NDRG3: variants seen among roughly 807,000 people sequenced by gnomAD.
NDRG3 encodes protein NDRG3.
NDRG3 carries 23 observed loss-of-function variants against 57.2 expected under a neutral mutation model. The observed-to-expected ratio is 0.40, with a 90% CI of 0.29 to 0.57. The LOEUF is 0.57. Among genes scored for constraint, NDRG3 ranks in the 20% least tolerant of loss-of-function variants. NDRG3 has a pLI of 0.42. For synonymous variants in NDRG3, 132 were observed against 162.6 expected (o/e 0.81, Z 1.43); for missense variants, 384 against 457.3 (o/e 0.84, Z 1.46).
chr20:36,660,457 G>T, intron 12 of NDRG3, 73 bp from the exon 13 acceptor site: 1 of 1,125,012 alleles, frequency 8.9e-7, no homozygotes, highest in Non-Finnish European at 1.3e-6. Context: ...CTCGGTATGA[G>T]AATCATCTTG....
chr20:36,677,959 T>C (rs1980903181), intron 8 of NDRG3, among the ~76,000 whole-genome samples: 1 of 152,182 alleles, frequency 6.6e-6, no homozygotes, highest in Non-Finnish European at 1.5e-5. Context: ...TAAAAAAATG[T>C]CCTCTCCCAA....
chr20:36,706,267 G>A (rs1017553493), intron 3 of NDRG3, among the ~76,000 whole-genome samples: 15 of 152,124 alleles, frequency 9.9e-5, no homozygotes, highest in African/African-American at 2.9e-4. Context: ...TTTAGGGAAA[G>A]ATTTCTTTTA....
intron 5 of NDRG3, among the ~76,000 whole-genome samples, chr20:36,685,940 G>A (rs1356231702): frequency 6.6e-6 from 1 of 152,188 alleles, no homozygotes; most frequent in African/African-American, 2.4e-5. Flanking sequence ...AGCCCAGGAG[G>A]TTGAGGCTGC....
intron 1 of NDRG3, among the ~76,000 whole-genome samples, chr20:36,722,696 A>C (rs774885786): frequency 9.2e-5 from 14 of 152,338 alleles, no homozygotes; most frequent in Non-Finnish European, 4.4e-5. Context: ...GAATCACAGC[A>C]GTGGGTGAAA....
intron 1 of NDRG3, among the ~76,000 whole-genome samples, chr20:36,730,429 T>G (rs1458461882): frequency 6.6e-6 from 1 of 151,632 alleles, no homozygotes; most frequent in Admixed American, 6.6e-5. Flanking sequence ...CTAATTTTTG[T>G]TTTTTGGTAG....
intron 13 of NDRG3, among the ~76,000 whole-genome samples, chr20:36,658,906 A>G (rs1251474213): frequency 6.6e-6 from 1 of 152,054 alleles, no homozygotes; most frequent in Non-Finnish European, 1.5e-5. Flanking sequence ...TTGCATATAC[A>G]GAATTTACAT....
intron 2 of NDRG3, among the ~76,000 whole-genome samples, chr20:36,715,697 GTCCCAACTACTTGGGAGGCTAAGGTAGCC>G (rs1984233926): frequency 6.7e-6 from 1 of 148,710 alleles, no homozygotes; most frequent in Admixed American, 6.7e-5. Flanking sequence ...CACACCTGTG[GTCCCAACTACTTGGGAGGCTAAGGTAGCC>G]TCCCAAGTAG....
intron 5 of NDRG3, among the ~76,000 whole-genome samples, chr20:36,686,702 C>T (rs1600898191): frequency 6.6e-6 from 1 of 152,312 alleles, no homozygotes; most frequent in Admixed American, 6.5e-5. Context: ...AATCACCCCA[C>T]ACCTCTATCT....
chr20:36,660,497 T>C lies in NDRG3; in HGVS notation c.811-113A>G, dbSNP rs1212755390. On this transcript the variant is annotated intron_variant, in intron 12 of 15. Transcript: ENST00000349004. ...ATCAACAGCTCAGTCTGGAGAAGGCTGAGCCAGCCAAAGAGATTACCAAAA... is the reference window on the plus strand; with the variant it reads ...ATCAACAGCTCAGTCTGGAGAAGGCCGAGCCAGCCAAAGAGATTACCAAAA... 1.2e-5 allele frequency: 7 copies of C among 589,538 alleles called. No individual in the cohort carries two copies. The East Asian group carries it at 2.3e-4, about 19-fold the overall frequency. The allele number at this position is 589,538 out of a possible 1,614,324, so 36.5% of individuals were successfully genotyped here.
In NDRG3 at chr20:36,721,782, C is replaced by A. The variant is rs1321957615; in HGVS notation, c.-47G>T. On this transcript the variant is annotated splice_region_variant and 5_prime_UTR_variant, in exon 2 of 16. Coordinates refer to ENST00000349004, the MANE Select transcript of NDRG3 (RefSeq NM_032013.4). ...AGGAATCTCAAGAATAAATCAGTAA[C>A]TCTGAAACAGAAAAGAAAGAAGTGA... 2 of 1,341,122 alleles carry A rather than the reference C, an allele frequency of 1.5e-6. No homozygotes were observed. 83.1% of individuals were successfully genotyped at this position (1,341,122 alleles called of 1,614,324 possible).
chr20:36,697,538 C>T (rs1475217190), intron 3 of NDRG3, among the ~76,000 whole-genome samples: 1 of 152,134 alleles, frequency 6.6e-6, no homozygotes, highest in Non-Finnish European at 1.5e-5. Flanking sequence ...GAAACCCCAT[C>T]TCTACTAAAA....
chr20:36,674,052 C>A (rs6129430), intron 8 of NDRG3, among the ~76,000 whole-genome samples: 1 of 151,864 alleles, frequency 6.6e-6, no homozygotes, highest in East Asian at 1.9e-4. Flanking sequence ...TGCAGTGAGC[C>A]GAGATCACGC....
chr20:36,736,603 TA>T (rs1985621120), intron 1 of NDRG3, among the ~76,000 whole-genome samples: 1 of 152,174 alleles, frequency 6.6e-6, no homozygotes, highest in Non-Finnish European at 1.5e-5. Context: ...ACTATTGACT[TA>T]AACATCCCCT....
chr20:36,695,723 C>T (rs565112992), intron 3 of NDRG3, among the ~76,000 whole-genome samples: 12 of 152,306 alleles, frequency 7.9e-5, no homozygotes, highest in Admixed American at 3.3e-4. Flanking sequence ...GCATGCACAG[C>T]GGGACATGGA....
At chr20:36,744,466 C>CCAT (rs1229429573) in intron 1 of NDRG3, among the ~76,000 whole-genome samples, 10 of 152,038 alleles carry the variant, frequency 6.6e-5, no homozygotes, top group Admixed American at 6.6e-4. Context: ...CAAAGATGGA[C>CCAT]CATGCCCTCA....
At chr20:36,745,662 G>A (rs1986152658) in intron 1 of NDRG3, among the ~76,000 whole-genome samples, 2 of 152,228 alleles carry the variant, frequency 1.3e-5, no homozygotes, top group Admixed American at 1.3e-4. Context: ...CTCTTGGAGC[G>A]GGCGAGGTAG....
intron 3 of NDRG3, among the ~76,000 whole-genome samples, chr20:36,703,012 G>T (rs979909678): frequency 2.0e-5 from 3 of 151,960 alleles, no homozygotes; most frequent in Non-Finnish European, 4.4e-5. Flanking sequence ...TAGAGACAGG[G>T]TTTCACCATG....
In NDRG3 at chr20:36,653,512, G is replaced by A. The variant is rs1327583710; in HGVS notation, c.*8C>T. On this transcript the variant is annotated 3_prime_UTR_variant, in exon 16 of 16. Transcript: ENST00000349004. This position sits in a 1 kb window ranked among gnomAD's most constrained non-coding sequence, Gnocchi z 4.2. ...GGACTTGCAATGGTCCAGGGGAGGA[G>A]CATCTGCTTAGCAGGACACCTCCAT... The A allele has an allele frequency of 3.1e-6, 5 of 1,612,506 alleles. No homozygotes were observed. In the Admixed American group the frequency reaches 5.0e-5, roughly 16 times the overall value.
At chr20:36,722,303 T>C (rs1321477460) in intron 1 of NDRG3, among the ~76,000 whole-genome samples, 1 of 152,122 alleles carries the variant, frequency 6.6e-6, no homozygotes, top group Non-Finnish European at 1.5e-5. Context: ...CCCAGCTGAG[T>C]GTCAGAGAAG....
Sources: gnomAD v4.1 joint callset for allele counts (sites outside exome capture counted in the v4.1 genomes callset) on GRCh38, gnomAD v4.1.1 for gene constraint, Gnocchi (gnomAD v3.1) non-coding constraint, MANE v1.5 for transcripts, NCBI Gene and HGNC (gene_info 2026-07-23, HGNC 2026-07-21) for gene names.